ACKR3: variants seen among roughly 807,000 people sequenced by gnomAD.
The protein encoded by ACKR3 is C-X-C chemokine receptor type 7.
A neutral mutation model predicts 22.4 loss-of-function variants in ACKR3; 6 were observed. The ratio of observed to expected loss-of-function variants is 0.27; its 90% CI spans 0.15 to 0.53. The LOEUF is 0.53. Among genes scored for constraint, ACKR3 ranks in the 20% least tolerant of loss-of-function variants. The pLI, the probability that ACKR3 is intolerant of heterozygous loss-of-function variation, is 0.96. For missense variants in ACKR3, 396 were observed against 475.2 expected (o/e 0.83, Z 1.55); for synonymous variants, 209 against 205.2 (o/e 1.02, Z -0.16).
the ACKR3 span, among the ~76,000 whole-genome samples, chr2:236,543,096 T>C: frequency 6.6e-6 from 1 of 152,214 alleles, no homozygotes; most frequent in Non-Finnish European, 1.5e-5. Flanking sequence ...AATCAGGGAA[T>C]CTTCCCAGGT....
chr2:236,563,115 AC>A (rs1317831700), upstream of ACKR3, among the ~76,000 whole-genome samples: 1 of 152,230 alleles, frequency 6.6e-6, no homozygotes, highest in East Asian at 1.9e-4. Flanking sequence ...GGTGTGAAGT[AC>A]TTCCAATTTT....
chr2:236,557,548 C>G, the ACKR3 span, among the ~76,000 whole-genome samples: 1 of 152,108 alleles, frequency 6.6e-6, no homozygotes, highest in African/African-American at 2.4e-5. Context: ...CTGGCCAAAT[C>G]AGGAATAATC....
the ACKR3 span, among the ~76,000 whole-genome samples, chr2:236,551,750 C>T: frequency 6.6e-6 from 1 of 152,212 alleles, no homozygotes; most frequent in African/African-American, 2.4e-5. Flanking sequence ...TGTGAACCAG[C>T]ATTGATTTAT....
chr2:236,571,412 T>C (rs921137368), intron 1 of ACKR3, among the ~76,000 whole-genome samples: 1 of 152,096 alleles, frequency 6.6e-6, no homozygotes, highest in African/African-American at 2.4e-5. Context: ...TTGCTGCCCA[T>C]CAGCTTTTCT....
the ACKR3 span, among the ~76,000 whole-genome samples, chr2:236,545,302 G>A: frequency 6.6e-6 from 1 of 152,176 alleles, no homozygotes; most frequent in African/African-American, 2.4e-5. This position sits in a 1 kb window ranked among gnomAD's most constrained non-coding sequence, Gnocchi z 5.3. Context: ...TCACTCACGG[G>A]TCTGAAATGC....
chr2:236,554,975 T>C, the ACKR3 span, among the ~76,000 whole-genome samples: 3 of 152,194 alleles, frequency 2.0e-5, no homozygotes, highest in Admixed American at 6.5e-5. Context: ...GAAGGGGCTG[T>C]AAAGGTCCTA....
chr2:236,562,065 T>C, the ACKR3 span, among the ~76,000 whole-genome samples: 4 of 152,230 alleles, frequency 2.6e-5, no homozygotes, highest in Non-Finnish European at 4.4e-5. Flanking sequence ...AGAAGTGAAG[T>C]GTTCAACCAC....
intron 1 of ACKR3, among the ~76,000 whole-genome samples, chr2:236,575,272 C>T (rs910490683): frequency 6.6e-6 from 1 of 152,086 alleles, no homozygotes; most frequent in Non-Finnish European, 1.5e-5. Flanking sequence ...CCTTCCCAGC[C>T]CCAAGTTTTA....
chr2:236,581,467 C>T lies in ACKR3; in HGVS notation c.1002C>T (p.Tyr334=). 2 of 1,614,208 alleles carry T rather than the reference C, an allele frequency of 1.2e-6. No individual in the cohort carries two copies. Among genetic ancestry groups the T allele is most frequent in the Non-Finnish European group, 1.7e-6 (2 of 1,180,042 alleles). ...YELMKAFIFK[Y]SAKTGLTKLI... ...TGATGAAGGCCTTCATCTTCAAGTA[C>T]TCGGCCAAAACAGGGCTCACCAAGC... The change falls in exon 2 of 2, where the codon TAC becomes TAT. Residue 334 remains tyrosine (Y), a synonymous_variant. Coordinates refer to ENST00000272928, the MANE Select transcript of ACKR3 (RefSeq NM_020311.3). This position sits in a 1 kb window ranked among gnomAD's most constrained non-coding sequence, Gnocchi z 4.4.
At position 236,581,689 on chromosome 2, in the gene ACKR3, CT is replaced by C; in HGVS notation, c.*136del. ...GAGTGAAGAGGGGAGCACGTGCCCCCTGCATCCATTCTCTCTTTCTCTTGAT... is the reference window on the plus strand; with the variant it reads ...GAGTGAAGAGGGGAGCACGTGCCCCCGCATCCATTCTCTCTTTCTCTTGAT... On this transcript the variant is annotated 3_prime_UTR_variant, in exon 2 of 2. Coordinates refer to ENST00000272928, the MANE Select transcript of ACKR3 (RefSeq NM_020311.3). The surrounding 1 kb of genome is among the most constrained non-coding windows in gnomAD (Gnocchi z 4.4). The C allele has an allele frequency of 1.8e-6, 2 of 1,123,432 alleles. No individual in the cohort carries two copies. Among genetic ancestry groups the C allele is most frequent in the East Asian group, 2.5e-5 (1 of 39,228 alleles). The allele number at this position is 1,123,432 out of a possible 1,614,324, so 69.6% of individuals were successfully genotyped here.
the ACKR3 span, among the ~76,000 whole-genome samples, chr2:236,550,254 C>T: frequency 6.6e-6 from 1 of 152,200 alleles, no homozygotes; most frequent in African/African-American, 2.4e-5. The surrounding 1 kb of genome is among the most constrained non-coding windows in gnomAD (Gnocchi z 4.6). Context: ...CTGGTGTCCA[C>T]TGGACACGTA....
At chr2:236,544,954 G>T in the ACKR3 span, among the ~76,000 whole-genome samples, 1 of 152,122 alleles carries the variant, frequency 6.6e-6, no homozygotes. This position sits in a 1 kb window ranked among gnomAD's most constrained non-coding sequence, Gnocchi z 5.0. Context: ...GAAAACTCAG[G>T]CCACTAGTTT....
intron 1 of ACKR3, among the ~76,000 whole-genome samples, chr2:236,578,782 C>T (rs761305550): frequency 2.6e-5 from 4 of 152,190 alleles, no homozygotes; most frequent in East Asian, 1.9e-4. Context: ...AGTCTCTGTG[C>T]GAGCTCCCCC....
the ACKR3 span, among the ~76,000 whole-genome samples, chr2:236,559,263 C>T: frequency 1.3e-5 from 2 of 151,984 alleles, no homozygotes; most frequent in African/African-American, 2.4e-5. Flanking sequence ...CTTAAGAAAG[C>T]GAAAGCTGAG....
At chr2:236,554,310 A>G in the ACKR3 span, among the ~76,000 whole-genome samples, 1 of 152,250 alleles carries the variant, frequency 6.6e-6, no homozygotes, top group Non-Finnish European at 1.5e-5. Flanking sequence ...ATCAGGAAGA[A>G]AGTAATATTT....
chr2:236,539,362 G>C, the ACKR3 span, among the ~76,000 whole-genome samples: 2 of 147,560 alleles, frequency 1.4e-5, no homozygotes, highest in East Asian at 2.0e-4. Flanking sequence ...ACCCAGGCTG[G>C]AGTGCAGTGG....
At chr2:236,567,153 C>A (rs1383657481), upstream of ACKR3, among the ~76,000 whole-genome samples, 1 of 152,210 alleles carries the variant, frequency 6.6e-6, no homozygotes, top group African/African-American at 2.4e-5. Flanking sequence ...CGCGCGCCAC[C>A]GCGCTGGGCT....
chr2:236,548,309 G>T, the ACKR3 span, among the ~76,000 whole-genome samples: 5 of 152,140 alleles, frequency 3.3e-5, no homozygotes, highest in Non-Finnish European at 7.4e-5. This position sits in a 1 kb window ranked among gnomAD's most constrained non-coding sequence, Gnocchi z 4.3. Flanking sequence ...CTCCCAGAAA[G>T]CATGTGTGTT....
At chr2:236,576,940 G>A (rs1356903660) in intron 1 of ACKR3, among the ~76,000 whole-genome samples, 1 of 152,212 alleles carries the variant, frequency 6.6e-6, no homozygotes, top group Non-Finnish European at 1.5e-5. Flanking sequence ...TGACTGCACT[G>A]TCTGCTTAAT....
Sources: allele counts gnomAD v4.1 joint callset (sites outside exome capture counted in the v4.1 genomes callset), GRCh38; gene constraint gnomAD v4.1.1; non-coding constraint Gnocchi (gnomAD v3.1); transcripts MANE v1.5; gene names NCBI Gene and HGNC (gene_info 2026-07-23, HGNC 2026-07-21).